Variants in BMP8B observed in about 807,000 individuals in gnomAD.
BMP8B encodes bone morphogenetic protein 8b.
A neutral mutation model predicts 30.3 loss-of-function variants in BMP8B; 17 were observed. That is an observed-to-expected ratio of 0.56 (90% confidence interval 0.38 to 0.84). BMP8B has a LOEUF of 0.84. Among genes scored for constraint, BMP8B ranks in the 40% least tolerant of loss-of-function variants. The pLI, the probability that BMP8B is intolerant of heterozygous loss-of-function variation, is 0.00. For missense variants in BMP8B, 253 were observed against 494.6 expected, an observed-to-expected ratio of 0.51 and a Z score of 4.63; for synonymous variants, 131 against 214.7, an observed-to-expected ratio of 0.61 and a Z score of 3.41.
intron 1 of BMP8B, among the ~76,000 whole-genome samples, chr1:39,783,583 T>C (rs1216923451): frequency 6.6e-6 from 1 of 152,136 alleles, no homozygotes; most frequent in Non-Finnish European, 1.5e-5. Flanking sequence ...TGCAAAACAG[T>C]GAGCATTAAC....
intron 3 of BMP8B, among the ~76,000 whole-genome samples, chr1:39,767,180 G>A (rs1056004503): frequency 6.6e-6 from 1 of 152,118 alleles, no homozygotes; most frequent in African/African-American, 2.4e-5. Flanking sequence ...GCCTGGCTTG[G>A]GTGCTGGGAA....
chr1:39,760,548 G>A lies in BMP8B; in HGVS notation c.1080C>T (p.Asp360=), dbSNP rs149934999. 8.8e-5 allele frequency: 142 copies of A among 1,613,954 alleles called. No homozygotes were observed. The highest frequency in any genetic ancestry group is 7.5e-4 in the African/African-American group (56 of 75,050). Residue 360 remains aspartate (D), a synonymous_variant, in exon 7 of 7, where the codon GAC becomes GAT. Transcript: ENST00000372827. The part of the protein sequence containing the change: ...LQSLVHLMMP[D]AVPKACCAPT... ...GTGCACAGCACGCCTTGGGGACTGC[G>A]TCTGGCATCATCAGGTGCACCTGGC...
At chr1:39,763,224 G>A in intron 5 of BMP8B, 22 bp from the exon 6 acceptor site, 1 of 1,590,542 alleles carries the variant, frequency 6.3e-7, no homozygotes, top group Non-Finnish European at 8.6e-7. Flanking sequence ...GGGAGAAGGT[G>A]AGTCCCATCC....
At chr1:39,775,755 G>A (rs938609746) in intron 1 of BMP8B, among the ~76,000 whole-genome samples, 3 of 152,268 alleles carry the variant, frequency 2.0e-5, no homozygotes, top group African/African-American at 7.2e-5. Flanking sequence ...GCTGGAAGAG[G>A]AAGGAGGGAA....
intron 6 of BMP8B, among the ~76,000 whole-genome samples, chr1:39,762,037 G>A (rs1314832030): frequency 6.6e-5 from 10 of 152,186 alleles, no homozygotes; most frequent in South Asian, 2.1e-4. Flanking sequence ...AGAACCACAC[G>A]GCATAAAGGG....
chr1:39,759,073 A>G lies in BMP8B; in HGVS notation c.*1346T>C, dbSNP rs938393644. 8 of 152,238 alleles carry G rather than the reference A, an allele frequency of 5.3e-5. No individual in the cohort carries two copies. The highest frequency in any genetic ancestry group is 7.2e-5 in the African/African-American group (3 of 41,446). The allele number at this position is 152,238 out of a possible 1,614,324, so 9.4% of individuals were successfully genotyped here. ...CGGTTTGGGCAGCTGGACTCTGTCT[A>G]TTCCAGCAGGTAAATTACAGGCTTA... On this transcript the variant is annotated 3_prime_UTR_variant, in exon 7 of 7. Coordinates refer to ENST00000372827, the MANE Select transcript of BMP8B (RefSeq NM_001720.5).
intron 1 of BMP8B, among the ~76,000 whole-genome samples, chr1:39,785,853 A>G (rs557594292): frequency 1.3e-5 from 2 of 152,264 alleles, no homozygotes; most frequent in South Asian, 4.1e-4. Context: ...AGTTAAAGCT[A>G]CTCTAACTGA....
chr1:39,763,328 G>C, intron 5 of BMP8B, 126 bp from the exon 6 acceptor site: 1 of 944,336 alleles, frequency 1.1e-6, no homozygotes, highest in Non-Finnish European at 1.6e-6. Context: ...AGGAACCCCC[G>C]GCAGAAAAGG....
chr1:39,780,531 G>C (rs555756637), intron 1 of BMP8B, among the ~76,000 whole-genome samples: 4 of 152,208 alleles, frequency 2.6e-5, no homozygotes, highest in Admixed American at 2.6e-4. Context: ...GGCTTGAAGG[G>C]ACACACAGAA....
intron 1 of BMP8B, among the ~76,000 whole-genome samples, chr1:39,782,490 G>A (rs555672337): frequency 2.0e-5 from 3 of 151,312 alleles, no homozygotes; most frequent in East Asian, 2.0e-4. Context: ...TTTTTGAGAT[G>A]GCATTTCGCT....
At chr1:39,775,442 C>T (rs1394662308) in intron 1 of BMP8B, among the ~76,000 whole-genome samples, 1 of 152,200 alleles carries the variant, frequency 6.6e-6, no homozygotes, top group Non-Finnish European at 1.5e-5. Flanking sequence ...GGCCCCAGCC[C>T]TGCAGGGAAA....
intron 3 of BMP8B, chr1:39,769,723 G>A: frequency 1.2e-6 from 2 of 1,610,012 alleles, no homozygotes; most frequent in Non-Finnish European, 1.7e-6. Context: ...CCTGCTGCAT[G>A]GGCCTGAGGT....
intron 1 of BMP8B, among the ~76,000 whole-genome samples, chr1:39,787,133 T>C (rs1651037642): frequency 6.6e-6 from 1 of 152,180 alleles, no homozygotes; most frequent in African/African-American, 2.4e-5. Context: ...TGAGCCTCAC[T>C]GTCCTCATCT....
chr1:39,781,676 C>A (rs913025764), intron 1 of BMP8B, among the ~76,000 whole-genome samples: 1 of 152,164 alleles, frequency 6.6e-6, no homozygotes, highest in South Asian at 2.1e-4. Flanking sequence ...TTTGGATGCA[C>A]CCACAACAAA....
At chr1:39,763,300 A>T in intron 5 of BMP8B, 98 bp from the exon 6 acceptor site, 1 of 1,223,938 alleles carries the variant, frequency 8.2e-7, no homozygotes, top group Non-Finnish European at 1.2e-6. Context: ...GTCTCCCCCA[A>T]GAGGCTTGAA....
At chr1:39,780,897 A>G (rs1035663459) in intron 1 of BMP8B, among the ~76,000 whole-genome samples, 5 of 152,226 alleles carry the variant, frequency 3.3e-5, no homozygotes, top group Admixed American at 1.3e-4. Flanking sequence ...CCCCATCTCC[A>G]GCCGGGAGCC....
At chr1:39,780,891 A>T (rs148647033) in intron 1 of BMP8B, among the ~76,000 whole-genome samples, 313 of 152,278 alleles carry the variant, frequency 2.1e-3, no homozygotes, top group African/African-American at 6.9e-3. Flanking sequence ...GCGAGACCCC[A>T]TCTCCAGCCG....
intron 1 of BMP8B, among the ~76,000 whole-genome samples, chr1:39,781,890 C>G (rs1001426071): frequency 6.6e-6 from 1 of 152,168 alleles, no homozygotes; most frequent in Admixed American, 6.5e-5. Context: ...GGCGTGGTGG[C>G]TCTCGCCTGT....
Position 39,764,128 on chromosome 1 carries a change from C to A in BMP8B, c.869-337G>T, listed in dbSNP as rs1213831067. ...GGAGACCCCTGTGACTCCAGCCCAC[C>A]CTCTCCTGCCACACCCATTCCCGAG... On this transcript the variant is annotated intron_variant, in intron 4 of 6. Transcript: ENST00000372827. 3.9e-5 allele frequency among the ~76,000 whole-genome samples: 6 copies of A among 152,154 alleles called. No homozygotes were observed. In the South Asian group the frequency reaches 1.2e-3, roughly 32 times the overall value.
Sources: gnomAD v4.1 joint callset for allele counts (sites outside exome capture counted in the v4.1 genomes callset) on GRCh38, gnomAD v4.1.1 for gene constraint, MANE v1.5 for transcripts, NCBI Gene and HGNC (gene_info 2026-07-23, HGNC 2026-07-21) for gene names.